The following TGFBR3 variants were observed in gnomAD, a reference collection of about 807,000 sequenced individuals.
TGFBR3 encodes transforming growth factor beta receptor type 3.
In TGFBR3, 46 loss-of-function variants were observed where a neutral mutation model predicts 87.9. That is an observed-to-expected ratio of 0.52 (90% CI 0.41 to 0.67). The LOEUF (loss-of-function observed/expected upper bound fraction) is 0.67. Ranked by LOEUF, TGFBR3 falls within the 30% of genes least tolerant of loss-of-function variation. The pLI is 0.00. For missense variants in TGFBR3, 866 were observed against 1,041.9 expected (o/e 0.83, Z 2.32); for synonymous variants, 381 against 391.6 (o/e 0.97, Z 0.32).
At chr1:91,706,725 C>G (rs1671812052) in intron 14 of TGFBR3, among the ~76,000 whole-genome samples, 1 of 152,172 alleles carries the variant, frequency 6.6e-6, no homozygotes, top group African/African-American at 2.4e-5. Context: ...GTGGACTCAT[C>G]CCCAAATTCT....
intron 2 of TGFBR3, among the ~76,000 whole-genome samples, chr1:91,841,611 G>GAA (rs1677284468): frequency 6.6e-6 from 1 of 151,948 alleles, no homozygotes; most frequent in African/African-American, 2.4e-5. Flanking sequence ...TGACCAACAT[G>GAA]GTGAAACCCC....
intron 1 of TGFBR3, among the ~76,000 whole-genome samples, chr1:91,901,704 C>G (rs1383992891): frequency 6.6e-6 from 1 of 151,290 alleles, no homozygotes; most frequent in African/African-American, 2.4e-5. Context: ...AGCTTGAGAC[C>G]TGGGTTAAAG....
intron 4 of TGFBR3, among the ~76,000 whole-genome samples, chr1:91,755,476 G>A (rs956757995): frequency 1.3e-5 from 2 of 152,164 alleles, no homozygotes; most frequent in Non-Finnish European, 2.9e-5. Flanking sequence ...AAGGAAGCCT[G>A]CTGGACAACA....
Position 91,720,010 on chromosome 1 carries a change from T to A in TGFBR3, c.1296A>T (p.Ile432=). The change falls in exon 9 of 17, where the codon ATA becomes ATT. Residue 432 remains isoleucine, a synonymous_variant. Transcript: ENST00000212355. ...PRPKDPVIPS[I]QLFPGLREPE... Reference sequence around the variant, plus strand: ...GCTCTCTGAGACCAGGAAACAGTTGTATGCTGGGAATGACAGGGTCCTTTG... The same window carrying A: ...GCTCTCTGAGACCAGGAAACAGTTGAATGCTGGGAATGACAGGGTCCTTTG... The A allele has an allele frequency of 1.2e-6, 2 of 1,614,204 alleles. No individual in the cohort carries two copies. The highest frequency in any genetic ancestry group is 1.7e-6 in the Non-Finnish European group (2 of 1,180,030).
At chr1:91,775,551 C>T (rs558235686) in intron 3 of TGFBR3, among the ~76,000 whole-genome samples, 34 of 152,346 alleles carry the variant, frequency 2.2e-4, no homozygotes, top group Admixed American at 8.5e-4. Context: ...CTTCCTGTCA[C>T]TTGAATACCC....
At chr1:91,841,501 A>T (rs12043241) in intron 2 of TGFBR3, among the ~76,000 whole-genome samples, 1 of 151,944 alleles carries the variant, frequency 6.6e-6, no homozygotes, top group Admixed American at 6.6e-5. Context: ...TGGAATTATT[A>T]TAAAAATAGT....
chr1:91,732,844 C>A (rs185353030), intron 5 of TGFBR3, among the ~76,000 whole-genome samples: 3 of 152,278 alleles, frequency 2.0e-5, no homozygotes, highest in Admixed American at 2.0e-4. Flanking sequence ...CAACCCGTGG[C>A]TCTCAGGGTA....
At chr1:91,895,418 T>C (rs1247046356) in intron 2 of TGFBR3, among the ~76,000 whole-genome samples, 1 of 152,172 alleles carries the variant, frequency 6.6e-6, no homozygotes, top group Non-Finnish European at 1.5e-5. Context: ...AGCTTTATGC[T>C]TCCTATACAG....
At chr1:91,897,165 A>G (rs936882248) in intron 2 of TGFBR3, among the ~76,000 whole-genome samples, 5 of 152,178 alleles carry the variant, frequency 3.3e-5, no homozygotes, top group Non-Finnish European at 2.9e-5. Context: ...AGAGGAGATT[A>G]TAATGGTCTT....
chr1:91,814,055 G>A (rs1047163563), intron 2 of TGFBR3, among the ~76,000 whole-genome samples: 1 of 152,186 alleles, frequency 6.6e-6, no homozygotes, highest in African/African-American at 2.4e-5. Context: ...TAACAGGTCC[G>A]TGGCCTGGGG....
At chr1:91,822,352 A>G (rs2634038) in intron 2 of TGFBR3, among the ~76,000 whole-genome samples, 1,607 of 150,146 alleles carry the variant, frequency 0.011, 31 homozygotes, top group African/African-American at 0.038. Flanking sequence ...CTTCCCAAAC[A>G]TAAACTTCAT....
At chr1:91,797,846 T>G (rs1345089596) in intron 2 of TGFBR3, among the ~76,000 whole-genome samples, 1 of 152,196 alleles carries the variant, frequency 6.6e-6, no homozygotes, top group Admixed American at 6.5e-5. Flanking sequence ...ATTAAATACC[T>G]AAAATTGCAC....
In TGFBR3 at chr1:91,810,679, C is replaced by T. The variant is rs1009709115; in HGVS notation, c.62-13208G>A. 4.6e-5 allele frequency among the ~76,000 whole-genome samples: 7 copies of T among 152,306 alleles called. No individual in the cohort carries two copies. In the East Asian group the frequency reaches 7.7e-4, roughly 17 times the overall value. Reference sequence around the variant, plus strand: ...TAAGGACTATGGAGCCAGTCTCCTACGTTTAATCCCAGCGCTGCCACATTT... The same window carrying T: ...TAAGGACTATGGAGCCAGTCTCCTATGTTTAATCCCAGCGCTGCCACATTT... On this transcript the variant is annotated intron_variant, in intron 2 of 16. Coordinates refer to ENST00000212355, the MANE Select transcript of TGFBR3 (RefSeq NM_003243.5).
At chr1:91,719,131 CAAAT>C (rs939800062) in intron 10 of TGFBR3, among the ~76,000 whole-genome samples, 177 bp downstream of exon 10, 2 of 152,152 alleles carry the variant, frequency 1.3e-5, no homozygotes, top group Non-Finnish European at 2.9e-5. Context: ...ACCAATAAAA[CAAAT>C]AAAACCAAAG....
intron 2 of TGFBR3, among the ~76,000 whole-genome samples, chr1:91,851,138 AT>A (rs1362412975): frequency 5.9e-5 from 9 of 152,248 alleles, no homozygotes; most frequent in Non-Finnish European, 2.9e-5. Context: ...TACACTGTAG[AT>A]TTTTTTAAAG....
At position 91,867,020 on chromosome 1, in the gene TGFBR3, G is replaced by A. The variant is rs567258896; in HGVS notation, c.-113-5376C>T. 5.9e-5 allele frequency among the ~76,000 whole-genome samples: 9 copies of A among 152,352 alleles called. 1 individual carries two copies. The highest frequency in any genetic ancestry group is 1.9e-4 in the African/African-American group (8 of 41,586). On this transcript the variant is annotated intron_variant, in intron 1 of 16. Transcript: ENST00000212355. ...AGCATGTCAGACAAGAAAGGATGGA[G>A]GTTTAGATCAGAATGGAGCCTCAGT...
intron 2 of TGFBR3, among the ~76,000 whole-genome samples, chr1:91,804,706 C>T (rs750417745): frequency 8.5e-5 from 13 of 152,152 alleles, no homozygotes; most frequent in Non-Finnish European, 1.6e-4. Context: ...AAACATGCTC[C>T]GAAACCCCAT....
intron 2 of TGFBR3, among the ~76,000 whole-genome samples, chr1:91,805,639 C>A (rs536896619): frequency 1.3e-5 from 2 of 152,230 alleles, no homozygotes; most frequent in South Asian, 4.1e-4. Context: ...CGCTCGGGTG[C>A]TCAGCAGCTG....
intron 2 of TGFBR3, among the ~76,000 whole-genome samples, chr1:91,825,068 C>T (rs1427773105): frequency 6.6e-6 from 1 of 152,150 alleles, no homozygotes; most frequent in Non-Finnish European, 1.5e-5. Context: ...CTCTCAGACA[C>T]ATATAAATAC....
Sources: allele counts gnomAD v4.1 joint callset (sites outside exome capture counted in the v4.1 genomes callset), GRCh38; gene constraint gnomAD v4.1.1; transcripts MANE v1.5; gene names NCBI Gene and HGNC (gene_info 2026-07-23, HGNC 2026-07-21).